COL15A1: variants seen among roughly 807,000 people sequenced by gnomAD.
COL15A1 encodes the protein collagen alpha-1(XV) chain.
COL15A1 carries 111 observed loss-of-function variants against 165.9 expected under a neutral mutation model. The observed-to-expected ratio is 0.67, with a 90% CI of 0.57 to 0.78. The LOEUF (loss-of-function observed/expected upper bound fraction) is 0.78. COL15A1 is among the 30% of genes least tolerant of loss of function. The pLI, the probability that COL15A1 is intolerant of heterozygous loss-of-function variation, is 0.00. For synonymous variants in COL15A1, 659 were observed against 674.8 expected (o/e 0.98, Z 0.36); for missense variants, 1,745 against 1,789.7 (o/e 0.98, Z 0.45).
intron 2 of COL15A1, among the ~76,000 whole-genome samples, chr9:98,981,993 G>T (rs1466995011): frequency 6.6e-6 from 1 of 152,038 alleles, no homozygotes; most frequent in Admixed American, 6.6e-5. Flanking sequence ...TGTAGAGATG[G>T]TCTCTCTGTG....
intron 5 of COL15A1, among the ~76,000 whole-genome samples, chr9:98,992,874 G>A (rs879400140): frequency 2.6e-5 from 4 of 152,166 alleles, no homozygotes; most frequent in Non-Finnish European, 4.4e-5. Flanking sequence ...CAGATGTGGG[G>A]CACGTGTCAG....
At position 98,944,174 on chromosome 9, in the gene COL15A1, G is replaced by A; in HGVS notation, c.24G>A (p.Gly8=). ...GCACATCTTGCAGGAGGAACAACGGGCAGTGCTGGTGTCTGCTGATGCTGC... is the reference window on the plus strand; with the variant it reads ...GCACATCTTGCAGGAGGAACAACGGACAGTGCTGGTGTCTGCTGATGCTGC... MAPRRNN[G]QCWCLLMLLS... The change falls in exon 2 of 42, where the codon GGG becomes GGA. Residue 8 remains glycine, a synonymous_variant. Transcript: ENST00000375001. 1 of 1,614,084 alleles carries A rather than the reference G, an allele frequency of 6.2e-7. No individual in the cohort carries two copies. Among genetic ancestry groups the A allele is most frequent in the South Asian group, 1.1e-5 (1 of 91,070 alleles).
At chr9:98,957,527 CT>C (rs1218257491) in intron 2 of COL15A1, among the ~76,000 whole-genome samples, 1 of 152,208 alleles carries the variant, frequency 6.6e-6, no homozygotes, top group Non-Finnish European at 1.5e-5. Flanking sequence ...TTGAGGCCCT[CT>C]GAAGTTCCAC....
intron 41 of COL15A1, 85 bp from the exon 42 acceptor site, chr9:99,069,588 C>T: frequency 6.6e-7 from 1 of 1,522,998 alleles, no homozygotes. Flanking sequence ...TAACTTGATT[C>T]ATTAGACTTA....
In COL15A1 at chr9:99,024,268, G is replaced by GTTTTTTTTTTTTTTTTTTTTTTTTTT. The variant is rs201734908; in HGVS notation, c.1855-598_1855-597insTTTTTTTTTTTTTTTTTTTTTTTTTT. ...TAAAAACAAGGCTACACCACAAGCA[G>GTTTTTTTTTTTTTTTTTTTTTTTTTT]TTTTTTTTGTTTTTTTGTTTTTTTT... On this transcript the variant is annotated intron_variant, in intron 14 of 41. Transcript: ENST00000375001. Among the ~76,000 whole-genome samples the GTTTTTTTTTTTTTTTTTTTTTTTTTT allele has an allele frequency of 1.8e-3, 240 of 131,410 alleles. 21 individuals carry two copies. Among genetic ancestry groups the GTTTTTTTTTTTTTTTTTTTTTTTTTT allele is most frequent in the Middle Eastern group, 7.7e-3 (2 of 260 alleles). The allele number at this position is 131,410 out of a possible 152,430, so 86.2% of individuals were successfully genotyped here.
rs117306025 is a variant in COL15A1, at chr9:98,987,195, T to G, written c.649-99T>G. 5.5e-4 allele frequency: 642 copies of G among 1,170,210 alleles called. 8 individuals carry two copies. In the East Asian group the frequency reaches 0.012, roughly 23 times the overall value. 72.5% of individuals were successfully genotyped at this position (1,170,210 alleles called of 1,614,324 possible). On this transcript the variant is annotated intron_variant, in intron 3 of 41. Transcript: ENST00000375001. Reference sequence around the variant, plus strand: ...GCTGTACATCCTCATTCCCACGCTTTTACCTGTTCGTCTCCATTGCCAAAA... The same window carrying G: ...GCTGTACATCCTCATTCCCACGCTTGTACCTGTTCGTCTCCATTGCCAAAA...
chr9:99,042,878 C>T (rs1260933217), intron 24 of COL15A1, among the ~76,000 whole-genome samples: 2 of 152,146 alleles, frequency 1.3e-5, no homozygotes, highest in Non-Finnish European at 2.9e-5. Context: ...CGTCCATAAA[C>T]AGATTAATAT....
chr9:98,981,259 A>G (rs568783170), intron 2 of COL15A1, among the ~76,000 whole-genome samples: 2 of 152,210 alleles, frequency 1.3e-5, no homozygotes, highest in South Asian at 4.1e-4. Flanking sequence ...GGAGTTCGAG[A>G]CTAGCCTGGC....
chr9:99,008,979 A>G (rs1165078968), intron 9 of COL15A1, among the ~76,000 whole-genome samples: 1 of 152,284 alleles, frequency 6.6e-6, no homozygotes, highest in Admixed American at 6.5e-5. Context: ...AAACAAAAAA[A>G]GGATCAGCAA....
chr9:99,056,945 A>C (rs1825729531), intron 35 of COL15A1, among the ~76,000 whole-genome samples: 1 of 152,206 alleles, frequency 6.6e-6, no homozygotes, highest in Admixed American at 6.5e-5. Context: ...TTATTCATTA[A>C]TCTGTTCATG....
Position 99,066,891 on chromosome 9 carries a change from G to A in COL15A1, c.3661G>A (p.Ala1221Thr), listed in dbSNP as rs1564098895. ...ANYEKPALHL[A>T]ALNMPFSGDI... ...GTCTCACATTTTTCAGCTGCATTTG[G>A]CTGCTCTGAACATGCCATTTTCTGG... Residue 1221 changes from alanine (A) to threonine (T), a missense_variant, in exon 40 of 42, where the codon GCT (alanine) becomes ACT (threonine). Coordinates refer to ENST00000375001, the MANE Select transcript of COL15A1 (RefSeq NM_001855.5). 4 of 1,612,398 alleles carry A rather than the reference G, an allele frequency of 2.5e-6. No individual in the cohort carries two copies. Among genetic ancestry groups the A allele is most frequent in the East Asian group, 2.2e-5 (1 of 44,846 alleles).
chr9:99,045,528 G>A (rs1235756157), intron 26 of COL15A1, among the ~76,000 whole-genome samples: 3 of 152,182 alleles, frequency 2.0e-5, no homozygotes, highest in Admixed American at 6.5e-5. Context: ...TCTCAAGGGC[G>A]AACCCTAAAC....
intron 6 of COL15A1, among the ~76,000 whole-genome samples, chr9:99,000,151 T>G (rs967046159): frequency 6.6e-6 from 1 of 152,186 alleles, no homozygotes; most frequent in African/African-American, 2.4e-5. Context: ...GATTCCGGGC[T>G]GCTTTTTAAA....
At chr9:99,044,066 T>C (rs1467057630) in intron 24 of COL15A1, among the ~76,000 whole-genome samples, 2 of 152,164 alleles carry the variant, frequency 1.3e-5, no homozygotes, top group African/African-American at 2.4e-5. Context: ...CCGTCATCTC[T>C]TTCCTAATTT....
chr9:99,046,363 C>G (rs1166893780), intron 26 of COL15A1, among the ~76,000 whole-genome samples: 4 of 152,204 alleles, frequency 2.6e-5, no homozygotes, highest in Non-Finnish European at 5.9e-5. Context: ...ACTGTAGAAC[C>G]TCAGGCCCCA....
intron 30 of COL15A1, 81 bp downstream of exon 30, chr9:99,049,976 C>A: frequency 1.3e-6 from 2 of 1,573,388 alleles, no homozygotes; most frequent in Non-Finnish European, 8.7e-7. Flanking sequence ...TTGTCTTGGG[C>A]CCTTTCTATC....
Position 99,056,413 on chromosome 9 carries a change from C to T in COL15A1, c.3337+9C>T, listed in dbSNP as rs374298309. On this transcript the variant is annotated intron_variant, in intron 35 of 41. Transcript: ENST00000375001. ...AGCTATCCTGGGAGCAGGTTAGTGCCGTAAACAGTGCCCTTGTTCATGCTG... is the reference window on the plus strand; with the variant it reads ...AGCTATCCTGGGAGCAGGTTAGTGCTGTAAACAGTGCCCTTGTTCATGCTG... 1.1e-5 allele frequency: 18 copies of T among 1,600,134 alleles called. No homozygotes were observed. Among genetic ancestry groups the T allele is most frequent in the South Asian group, 5.5e-5 (5 of 90,138 alleles).
intron 2 of COL15A1, among the ~76,000 whole-genome samples, chr9:98,960,976 C>T (rs1235002440): frequency 6.6e-6 from 1 of 152,196 alleles, no homozygotes; most frequent in Admixed American, 6.5e-5. Flanking sequence ...AATCATTGAC[C>T]TTCCAGTGGA....
At position 99,044,725 on chromosome 9, in the gene COL15A1, C is replaced by T; in HGVS notation, c.2644-10C>T. 6.2e-7 allele frequency: 1 copy of T among 1,613,616 alleles called. No individual in the cohort carries two copies. The highest frequency in any genetic ancestry group is 8.5e-7 in the Non-Finnish European group (1 of 1,179,540). ...CCAAACAGTGACAAGTATATATCTTCCTGTTTTAGGGTGAACCTGGAATGC... is the reference window on the plus strand; with the variant it reads ...CCAAACAGTGACAAGTATATATCTTTCTGTTTTAGGGTGAACCTGGAATGC... On this transcript the variant is annotated splice_polypyrimidine_tract_variant and intron_variant, in intron 25 of 41. Transcript: ENST00000375001.
Sources: allele counts gnomAD v4.1 joint callset (sites outside exome capture counted in the v4.1 genomes callset), GRCh38; gene constraint gnomAD v4.1.1; transcripts MANE v1.5; gene names NCBI Gene and HGNC (gene_info 2026-07-23, HGNC 2026-07-21).